The following CNTNAP3B variants were observed in gnomAD, a reference collection of about 807,000 sequenced individuals.
The protein encoded by CNTNAP3B is contactin associated protein family member 3B.
CNTNAP3B carries 25 observed loss-of-function variants against 108.9 expected under a neutral mutation model. That is an observed-to-expected ratio of 0.23 (90% CI 0.17 to 0.32). The LOEUF (loss-of-function observed/expected upper bound fraction) is 0.32. Among genes scored for constraint, CNTNAP3B ranks in the 10% least tolerant of loss-of-function variants. The pLI is 1.00. For synonymous variants in CNTNAP3B, 103 were observed against 473.4 expected, an observed-to-expected ratio of 0.22 and a Z score of 10.16; for missense variants, 252 against 1,210.4, an observed-to-expected ratio of 0.21 and a Z score of 11.75.
intron 17 of CNTNAP3B, among the ~76,000 whole-genome samples, 193 bp downstream of exon 17, chr9:41,922,484 A>AAAGC (rs1554736632): frequency 7.2e-6 from 1 of 138,130 alleles, no homozygotes; most frequent in East Asian, 2.1e-4. Flanking sequence ...AATAAAAACA[A>AAAGC]AAACAAACAA....
At chr9:41,964,308 T>C (rs1825197489) in intron 11 of CNTNAP3B, among the ~76,000 whole-genome samples, 1 of 152,174 alleles carries the variant, frequency 6.6e-6, no homozygotes, top group African/African-American at 2.4e-5. Context: ...ATTTCCCCAT[T>C]GCTTGCCAGT....
At chr9:41,994,681 T>G in intron 7 of CNTNAP3B, 1 of 429,150 alleles carries the variant, frequency 2.3e-6, no homozygotes, top group South Asian at 2.0e-5. Flanking sequence ...TTTTTCCCCT[T>G]TTCTCATGCT....
chr9:41,935,654 A>T (rs1824135038), intron 14 of CNTNAP3B, among the ~76,000 whole-genome samples: 1 of 152,280 alleles, frequency 6.6e-6, no homozygotes, highest in African/African-American at 2.4e-5. Flanking sequence ...AATCTACAAG[A>T]GTTGGGTTAG....
intron 14 of CNTNAP3B, among the ~76,000 whole-genome samples, chr9:41,930,434 A>T (rs1205878614): frequency 9.3e-4 from 142 of 152,354 alleles, no homozygotes; most frequent in Middle Eastern, 3.4e-3. Flanking sequence ...TCCCAGCTAC[A>T]TGGGAGGCTG....
At chr9:42,024,920 C>T (rs1339969023) in intron 3 of CNTNAP3B, among the ~76,000 whole-genome samples, 7 of 142,690 alleles carry the variant, frequency 4.9e-5, no homozygotes, top group African/African-American at 1.9e-4. Context: ...TTCTGAATAT[C>T]CTGGTTTCTT....
chr9:41,966,882 G>A (rs139568530), intron 10 of CNTNAP3B, among the ~76,000 whole-genome samples: 1 of 149,992 alleles, frequency 6.7e-6, no homozygotes, highest in African/African-American at 2.5e-5. Flanking sequence ...CATGAGAATG[G>A]CATGAACCCA....
intron 2 of CNTNAP3B, among the ~76,000 whole-genome samples, chr9:42,085,940 G>T (rs552979212): frequency 6.9e-6 from 1 of 144,962 alleles, no homozygotes; most frequent in Non-Finnish European, 1.5e-5. Context: ...GCCACATTGT[G>T]GTTATCCATT....
At chr9:41,963,898 A>G (rs1389830245) in intron 11 of CNTNAP3B, among the ~76,000 whole-genome samples, 1 of 152,310 alleles carries the variant, frequency 6.6e-6, no homozygotes, top group Non-Finnish European at 1.5e-5. Context: ...TAATATATGC[A>G]AAGCAATAGC....
intron 11 of CNTNAP3B, among the ~76,000 whole-genome samples, chr9:41,963,727 G>C (rs1330995802): frequency 6.6e-6 from 1 of 151,396 alleles, no homozygotes; most frequent in Admixed American, 6.6e-5. Flanking sequence ...CCACCAATCA[G>C]GCATCCTGGA....
chr9:41,977,178 G>A (rs1277853785), intron 9 of CNTNAP3B, among the ~76,000 whole-genome samples: 1 of 149,498 alleles, frequency 6.7e-6, no homozygotes, highest in Non-Finnish European at 1.5e-5. Context: ...ACATTAGCAT[G>A]TATATATTTA....
rs866007277 is a variant in CNTNAP3B, at chr9:42,098,615, A to C, written c.196+6014T>G. On this transcript the variant is annotated intron_variant, in intron 2 of 23. Coordinates refer to ENST00000377561, the MANE Select transcript of CNTNAP3B (RefSeq NM_001201380.3). The stretch of plus-strand genomic sequence containing the variant: ...AAAAAAAAACCAACAGCAAAAAAAA[A>C]CAGATAACTAAGACTTTGGCCCTAC... 3.1e-4 allele frequency among the ~76,000 whole-genome samples: 28 copies of C among 90,600 alleles called. 8 individuals carry two copies. The highest frequency in any genetic ancestry group is 4.6e-4 in the Non-Finnish European group (20 of 43,648). 59.4% of individuals were successfully genotyped at this position (90,600 alleles called of 152,430 possible). A position where few individuals can be genotyped will look rare whatever the true frequency, so the allele number is the denominator to read the frequency against.
intron 10 of CNTNAP3B, among the ~76,000 whole-genome samples, chr9:41,968,997 C>A (rs1271536272): frequency 1.7e-4 from 26 of 152,372 alleles, no homozygotes; most frequent in African/African-American, 5.3e-4. Flanking sequence ...GGGGTTTCAC[C>A]ATGTTAGCCA....
chr9:41,964,178 G>C (rs1825193255), intron 11 of CNTNAP3B, among the ~76,000 whole-genome samples: 1 of 152,294 alleles, frequency 6.6e-6, no homozygotes, highest in Non-Finnish European at 1.5e-5. Context: ...TTCTTTGACT[G>C]AGAAGATTCT....
intron 3 of CNTNAP3B, among the ~76,000 whole-genome samples, chr9:42,056,324 A>ATTTTTT (rs1236668921): frequency 1.7e-4 from 17 of 101,726 alleles, no homozygotes; most frequent in African/African-American, 8.2e-4. Context: ...TATCTCATGA[A>ATTTTTT]TTTTATTATT....
rs1827430008 is a variant in CNTNAP3B, at chr9:42,073,941, A to C, written c.390+2928T>G. 4.7e-5 allele frequency among the ~76,000 whole-genome samples: 2 copies of C among 42,610 alleles called. 1 individual carries two copies. The allele number at this position is 42,610 out of a possible 152,430, so 28.0% of individuals were successfully genotyped here. A position where few individuals can be genotyped will look rare whatever the true frequency, so the allele number is the denominator to read the frequency against. ...GGGCACAAAAAAATAGTAAGAATGAATAAGACCTAGGATTTGATAGCACAA... is the reference window on the plus strand; with the variant it reads ...GGGCACAAAAAAATAGTAAGAATGACTAAGACCTAGGATTTGATAGCACAA... On this transcript the variant is annotated intron_variant, in intron 3 of 23. Transcript: ENST00000377561.
At chr9:41,916,500 C>G (rs1823520553) in intron 18 of CNTNAP3B, among the ~76,000 whole-genome samples, 1 of 152,160 alleles carries the variant, frequency 6.6e-6, no homozygotes, top group Middle Eastern at 3.2e-3. Context: ...TTGTTATTTC[C>G]TCTAATGCAG....
At chr9:42,068,038 G>T (rs1450182887) in intron 3 of CNTNAP3B, among the ~76,000 whole-genome samples, 1 of 139,430 alleles carries the variant, frequency 7.2e-6, no homozygotes, top group East Asian at 2.2e-4. Context: ...CAGTATCTGG[G>T]ATAGCAGTAA....
At chr9:41,933,237 G>A (rs1229466453) in intron 14 of CNTNAP3B, among the ~76,000 whole-genome samples, 1 of 152,384 alleles carries the variant, frequency 6.6e-6, no homozygotes, top group Non-Finnish European at 1.5e-5. Context: ...GGGGGGGGCT[G>A]TCCTGTGCAC....
chr9:42,115,020 C>T (rs1336054077), intron 1 of CNTNAP3B, among the ~76,000 whole-genome samples: 1 of 136,246 alleles, frequency 7.3e-6, no homozygotes, highest in Non-Finnish European at 1.6e-5. Context: ...TGCCACTGCT[C>T]TCCAGCCTAG....
Sources: allele counts gnomAD v4.1 joint callset (sites outside exome capture counted in the v4.1 genomes callset), GRCh38; gene constraint gnomAD v4.1.1; transcripts MANE v1.5; gene names NCBI Gene and HGNC (gene_info 2026-07-23, HGNC 2026-07-21).